The following TBL1X variants were observed in gnomAD, a reference collection of about 807,000 sequenced individuals.
The protein encoded by TBL1X is transducin beta like 1 X-linked.
In TBL1X, 10 loss-of-function variants were observed where a neutral mutation model predicts 50.7. The ratio of observed to expected loss-of-function variants is 0.20; its 90% CI spans 0.12 to 0.33. The LOEUF (loss-of-function observed/expected upper bound fraction) is 0.33. Among genes scored for constraint, TBL1X ranks in the 10% least tolerant of loss-of-function variants. The pLI is 1.00. For synonymous variants in TBL1X, 190 were observed against 214.7 expected (o/e 0.88, Z 1.01); for missense variants, 340 against 504.4 (o/e 0.67, Z 3.12).
intron 2 of TBL1X, among the ~76,000 whole-genome samples, chrX:9,523,451 C>A (rs989359930): frequency 5.4e-5 from 6 of 111,885 alleles, no homozygotes; most frequent in African/African-American, 1.9e-4. Context: ...CCAGGTCACC[C>A]ACACTGGACC....
At chrX:9,608,115 A>G (rs144522720) in intron 2 of TBL1X, among the ~76,000 whole-genome samples, 97 of 110,701 alleles carry the variant, frequency 8.8e-4, no homozygotes, top group African/African-American at 3.0e-3. Flanking sequence ...ATGTTTTTCA[A>G]TTTGGGCTTG....
chrX:9,548,267 C>T (rs1334222533), intron 2 of TBL1X, among the ~76,000 whole-genome samples: 3 of 111,368 alleles, frequency 2.7e-5, no homozygotes, highest in Non-Finnish European at 5.7e-5. Flanking sequence ...AAAACGTTTA[C>T]GTGGTCCAAA....
intron 2 of TBL1X, among the ~76,000 whole-genome samples, chrX:9,597,535 C>G (rs2082532518): frequency 8.9e-6 from 1 of 112,505 alleles, no homozygotes; most frequent in Non-Finnish European, 1.9e-5. Context: ...TCCTTGCAGT[C>G]CTTTGGCCCA....
intron 1 of TBL1X, among the ~76,000 whole-genome samples, chrX:9,498,317 T>C (rs1353969399): frequency 1.8e-5 from 2 of 111,991 alleles, no homozygotes; most frequent in Non-Finnish European, 3.8e-5. Context: ...TTCAGATGGC[T>C]ATTGAAGTGA....
At chrX:9,660,786 C>T (rs1054502500) in intron 5 of TBL1X, among the ~76,000 whole-genome samples, 2 of 112,241 alleles carry the variant, frequency 1.8e-5, no homozygotes, top group Admixed American at 9.4e-5. Flanking sequence ...ATTTACATAA[C>T]GTATATATGG....
chrX:9,618,619 C>T (rs2082651224), intron 2 of TBL1X, among the ~76,000 whole-genome samples: 1 of 112,042 alleles, frequency 8.9e-6, no homozygotes, highest in Admixed American at 9.4e-5. Context: ...GCGGAGGTTG[C>T]AGTGAGCCAA....
chrX:9,629,483 G>A (rs1194891293), intron 2 of TBL1X, among the ~76,000 whole-genome samples: 2 of 112,110 alleles, frequency 1.8e-5, no homozygotes, highest in Non-Finnish European at 1.9e-5. Flanking sequence ...TCAGAAAGGG[G>A]GAGGATAGTA....
At chrX:9,654,154 C>CAAA (rs367680489) in intron 4 of TBL1X, 61 bp from the exon 5 acceptor site, 9 of 815,609 alleles carry the variant, frequency 1.1e-5, no homozygotes, top group South Asian at 2.7e-5. Context: ...TTAGTCATCT[C>CAAA]AAAAAAAAAA....
chrX:9,661,772 G>A (rs755522925), intron 5 of TBL1X, among the ~76,000 whole-genome samples: 31 of 111,317 alleles, frequency 2.8e-4, no homozygotes, highest in Admixed American at 1.9e-3. Flanking sequence ...AGTTCACAGC[G>A]GGTAAGCTGG....
chrX:9,521,583 G>C (rs910792734), intron 2 of TBL1X, among the ~76,000 whole-genome samples: 1 of 111,920 alleles, frequency 8.9e-6, no homozygotes, highest in African/African-American at 3.3e-5. Flanking sequence ...ACCTCCTGCG[G>C]ATACCCAAAT....
chrX:9,709,523 A>G, intron 14 of TBL1X, 110 bp from the exon 15 acceptor site: 1 of 1,101,313 alleles, frequency 9.1e-7, no homozygotes, highest in East Asian at 3.1e-5. Context: ...ACCACTGTGC[A>G]CCCTCCACCC....
At position 9,492,881 on chromosome X, in the gene TBL1X, GTGTGTGTGT is replaced by G. The variant is rs1569206135; in HGVS notation, c.-200-8898_-200-8890del. ...TGTGTGTGTGTGTGTGTGTGTGTGTGTGTGTGTGTGTGTGTGTAGGGGAGGAAGGAATGG... is the reference window on the plus strand; with the variant it reads ...TGTGTGTGTGTGTGTGTGTGTGTGTGGTGTGTGTAGGGGAGGAAGGAATGG... On this transcript the variant is annotated intron_variant, in intron 1 of 17. Coordinates refer to ENST00000645353, the MANE Select transcript of TBL1X (RefSeq NM_005647.4). Among the ~76,000 whole-genome samples the G allele has an allele frequency of 3.0e-4, 17 of 56,483 alleles. 1 individual carries two copies. Among genetic ancestry groups the G allele is most frequent in the Non-Finnish European group, 4.3e-4 (13 of 30,533 alleles). The allele number at this position is 56,483 out of a possible 115,157, so 49.0% of individuals were successfully genotyped here.
chrX:9,636,438 A>G (rs2082747148), intron 2 of TBL1X: 1 of 110,448 alleles, frequency 9.1e-6, no homozygotes, highest in African/African-American at 3.3e-5. Context: ...AAATAATAAA[A>G]TGGTTAATTT....
At chrX:9,658,915 C>G (rs769431073) in intron 5 of TBL1X, among the ~76,000 whole-genome samples, 2 of 111,904 alleles carry the variant, frequency 1.8e-5, no homozygotes, top group Non-Finnish European at 3.8e-5. Context: ...ATTGATCGTC[C>G]CACCTCAGTC....
chrX:9,615,051 G>A (rs5979134), intron 2 of TBL1X, among the ~76,000 whole-genome samples: 72 of 111,626 alleles, frequency 6.5e-4, no homozygotes, highest in Non-Finnish European at 1.1e-3. Context: ...CTCAGTCACC[G>A]GGACTCTGGG....
intron 2 of TBL1X, among the ~76,000 whole-genome samples, chrX:9,579,209 A>T (rs991670103): frequency 6.2e-5 from 7 of 112,275 alleles, no homozygotes; most frequent in South Asian, 3.7e-4. Context: ...CTAGCTCCAC[A>T]ACAGTGGGAT....
At chrX:9,512,930 G>A (rs181497318) in intron 2 of TBL1X, among the ~76,000 whole-genome samples, 15 of 111,436 alleles carry the variant, frequency 1.3e-4, no homozygotes, top group African/African-American at 4.9e-4. Flanking sequence ...CCCTTTATTT[G>A]AAAAACCAGC....
At chrX:9,701,424 A>G (rs1283166283) in intron 12 of TBL1X, among the ~76,000 whole-genome samples, 6 of 109,708 alleles carry the variant, frequency 5.5e-5, no homozygotes. Flanking sequence ...GAGCTGACTC[A>G]GAGTGGGGCT....
intron 1 of TBL1X, among the ~76,000 whole-genome samples, chrX:9,487,507 G>C (rs1427910333): frequency 2.7e-5 from 3 of 112,058 alleles, no homozygotes; most frequent in Non-Finnish European, 5.6e-5. Flanking sequence ...AAAACCCCAG[G>C]TGATTAAGGA....
Sources: allele counts gnomAD v4.1 joint callset (sites outside exome capture counted in the v4.1 genomes callset), GRCh38; gene constraint gnomAD v4.1.1; transcripts MANE v1.5; gene names NCBI Gene and HGNC (gene_info 2026-07-23, HGNC 2026-07-21).